The following CD44 variants were observed in gnomAD, a reference collection of about 807,000 sequenced individuals.
CD44 encodes the protein CD44 molecule (IN blood group).
CD44 carries 49 observed loss-of-function variants against 88.8 expected under a neutral mutation model. The observed-to-expected ratio is 0.55, with a 90% confidence interval of 0.44 to 0.70. The LOEUF is 0.70. Ranked by LOEUF, CD44 falls within the 30% of genes least tolerant of loss-of-function variation. CD44 has a pLI of 0.00. For synonymous variants in CD44, 325 were observed against 312.3 expected (o/e 1.04, Z -0.43); for missense variants, 883 against 913.8 (o/e 0.97, Z 0.43).
intron 9 of CD44, among the ~76,000 whole-genome samples, chr11:35,203,272 AT>A (rs1947483548): frequency 1.3e-5 from 2 of 151,670 alleles, no homozygotes; most frequent in Admixed American, 6.6e-5. Flanking sequence ...ACTTAAAAAA[AT>A]CATTATGTTT....
At chr11:35,221,774 C>T in intron 17 of CD44, 42 bp downstream of exon 17, 1 of 1,523,214 alleles carries the variant, frequency 6.6e-7, no homozygotes. Context: ...GAAAGGGCAT[C>T]ATTTAAACCT....
At chr11:35,140,282 A>G (rs1857636330) in intron 1 of CD44, among the ~76,000 whole-genome samples, 1 of 152,226 alleles carries the variant, frequency 6.6e-6, no homozygotes, top group Non-Finnish European at 1.5e-5. Flanking sequence ...ATATTCTAGC[A>G]CGGCTCAACT....
At chr11:35,150,635 T>C (rs1860128840) in intron 1 of CD44, among the ~76,000 whole-genome samples, 1 of 152,222 alleles carries the variant, frequency 6.6e-6, no homozygotes, top group African/African-American at 2.4e-5. Flanking sequence ...CCACTGACCA[T>C]TAGCTGAAAT....
intron 4 of CD44, 68 bp downstream of exon 4, chr11:35,186,968 T>G: frequency 1.1e-6 from 1 of 940,670 alleles, no homozygotes. Flanking sequence ...GTGTTCTCTG[T>G]GGTATATTTG....
intron 2 of CD44, 33 bp downstream of exon 2, chr11:35,176,773 C>T (rs1382226135): frequency 1.9e-6 from 3 of 1,600,382 alleles, no homozygotes; most frequent in Non-Finnish European, 2.6e-6. Context: ...CTGGGGAAAG[C>T]TGGCGGCCTG....
At position 35,229,541 on chromosome 11, in the gene CD44, C is replaced by T; in HGVS notation, c.*208C>T. 1.8e-6 allele frequency: 1 copy of T among 545,314 alleles called. No homozygotes were observed. Among genetic ancestry groups the T allele is most frequent in the Non-Finnish European group, 3.3e-6 (1 of 306,558 alleles). The allele number at this position is 545,314 out of a possible 1,614,324, so 33.8% of individuals were successfully genotyped here. A position where few individuals can be genotyped will look rare whatever the true frequency, so the allele number is the denominator to read the frequency against. The stretch of plus-strand genomic sequence containing the variant: ...ACAGCATTGCTTTCTGAAATTAGGG[C>T]CCAATTAATAATCAGCAAGAATTTG... On this transcript the variant is annotated 3_prime_UTR_variant, in exon 18 of 18. Transcript: ENST00000428726.
intron 1 of CD44, among the ~76,000 whole-genome samples, chr11:35,166,414 C>T (rs1037300363): frequency 1.3e-5 from 2 of 152,176 alleles, no homozygotes; most frequent in Admixed American, 1.3e-4. Context: ...GTTCTCCATA[C>T]CCTCACCTCC....
At chr11:35,176,927 C>T in intron 2 of CD44, 187 bp downstream of exon 2, 1 of 572,688 alleles carries the variant, frequency 1.7e-6, no homozygotes, top group East Asian at 3.1e-5. Context: ...CAGCTAAAGA[C>T]ACCTTTGTGA....
intron 3 of CD44, among the ~76,000 whole-genome samples, chr11:35,181,866 T>TATAATTCTATATATAATATAATATATA (rs1945069792): frequency 3.2e-5 from 2 of 62,208 alleles, no homozygotes; most frequent in Non-Finnish European, 5.8e-5. Context: ...TAAATTTATA[T>TATAATTCTATATATAATATAATATATA]ATATATATTA....
intron 1 of CD44, among the ~76,000 whole-genome samples, chr11:35,157,116 T>A (rs1941969544): frequency 6.6e-6 from 1 of 152,226 alleles, no homozygotes; most frequent in Admixed American, 6.5e-5. Flanking sequence ...TCTGCTTTAT[T>A]CAATGCCTGG....
chr11:35,188,458 C>T (rs1369045802), intron 4 of CD44, among the ~76,000 whole-genome samples: 2 of 152,170 alleles, frequency 1.3e-5, no homozygotes, highest in African/African-American at 4.8e-5. Context: ...GACACTATGT[C>T]TAATGTATGT....
At chr11:35,206,667 G>GGAGC (rs202068665) in intron 11 of CD44, among the ~76,000 whole-genome samples, 18 of 64,670 alleles carry the variant, frequency 2.8e-4, no homozygotes, top group African/African-American at 6.6e-4. Flanking sequence ...GGTGGGGGTT[G>GGAGC]GTGGGGGGGG....
intron 3 of CD44, among the ~76,000 whole-genome samples, chr11:35,184,929 C>A (rs1945508331): frequency 6.6e-6 from 1 of 152,040 alleles, no homozygotes; most frequent in Non-Finnish European, 1.5e-5. Context: ...GTACTTTTTT[C>A]TTTTTTCATC....
intron 10 of CD44, 113 bp from the exon 11 acceptor site, chr11:35,205,998 GA>G: frequency 7.2e-7 from 1 of 1,383,408 alleles, no homozygotes; most frequent in South Asian, 1.8e-5. Flanking sequence ...ATACAAGGAA[GA>G]TGGTTTCATT....
intron 8 of CD44, 121 bp from the exon 9 acceptor site, chr11:35,201,550 G>T (rs888519644): frequency 4.0e-5 from 49 of 1,232,122 alleles, no homozygotes; most frequent in Non-Finnish European, 9.0e-6. Context: ...TTTGAGAGTG[G>T]ATGCTCAGAG....
chr11:35,201,903 C>G, intron 9 of CD44, 116 bp downstream of exon 9: 2 of 1,094,330 alleles, frequency 1.8e-6, no homozygotes, highest in Non-Finnish European at 2.6e-6. Flanking sequence ...TCGGTAATTT[C>G]TTTTATTCTT....
rs1860090953 is a variant in CD44, at chr11:35,150,446, T to C, written c.67+11076T>C. ...CTTTTCATCATAAAACCAGAGAAAC[T>C]CTTGCTCAGGAAAAAGAAAGAAAAA... On this transcript the variant is annotated intron_variant, in intron 1 of 17. Coordinates refer to ENST00000428726, the MANE Select transcript of CD44 (RefSeq NM_000610.4). Among the ~76,000 whole-genome samples, 3 of 152,064 alleles carry C rather than the reference T, an allele frequency of 2.0e-5. No individual in the cohort carries two copies. The South Asian group carries it at 6.2e-4, about 32-fold the overall frequency.
At chr11:35,195,359 A>G (rs1488862090) in intron 5 of CD44, among the ~76,000 whole-genome samples, 28 of 152,076 alleles carry the variant, frequency 1.8e-4, no homozygotes, top group Admixed American at 1.8e-3. Context: ...AATCGTGAGG[A>G]AAATAGTGCT....
intron 15 of CD44, among the ~76,000 whole-genome samples, chr11:35,216,225 C>A (rs547229029): frequency 6.6e-6 from 1 of 151,914 alleles, no homozygotes; most frequent in Admixed American, 6.6e-5. Context: ...CAAACCTTAC[C>A]CCAGACTGCA....
Sources: allele counts gnomAD v4.1 joint callset (sites outside exome capture counted in the v4.1 genomes callset), GRCh38; gene constraint gnomAD v4.1.1; transcripts MANE v1.5; gene names NCBI Gene and HGNC (gene_info 2026-07-23, HGNC 2026-07-21).